Variants in LYST observed in about 807,000 individuals in gnomAD.
LYST encodes lysosomal trafficking regulator, also known as lysosomal-trafficking regulator.
A neutral mutation model predicts 413.6 loss-of-function variants in LYST; 192 were observed. That is an observed-to-expected ratio of 0.46 (90% confidence interval 0.41 to 0.52). The LOEUF (loss-of-function observed/expected upper bound fraction) is 0.52, where lower values mean the gene tolerates loss of function less well. Among genes scored for constraint, LYST ranks in the 20% least tolerant of loss-of-function variants. The pLI, the probability that LYST is intolerant of heterozygous loss-of-function variation, is 0.00. For synonymous variants in LYST, 1,525 were observed against 1,567.3 expected (o/e 0.97, Z 0.64); for missense variants, 3,815 against 4,499.9 (o/e 0.85, Z 4.35).
At chr1:235,869,281 G>T (rs1366076408), upstream of LYST, among the ~76,000 whole-genome samples, 5 of 152,104 alleles carry the variant, frequency 3.3e-5, no homozygotes, top group East Asian at 1.9e-4. Context: ...GACCATCCTG[G>T]CTAACACGGT....
chr1:235,703,952 CTT>C (rs1365124039), intron 44 of LYST, among the ~76,000 whole-genome samples: 1 of 152,064 alleles, frequency 6.6e-6, no homozygotes, highest in East Asian at 1.9e-4. Context: ...TTGTTCCCCT[CTT>C]TGTGTCCATG....
At chr1:235,677,396 A>G in intron 49 of LYST, 84 bp downstream of exon 49, 1 of 1,385,650 alleles carries the variant, frequency 7.2e-7, no homozygotes, top group African/African-American at 1.4e-5. Context: ...TAACGTAAAG[A>G]CATTATTTTG....
chr1:235,705,685 C>T (rs1661924270), intron 44 of LYST, among the ~76,000 whole-genome samples: 1 of 151,874 alleles, frequency 6.6e-6, no homozygotes, highest in African/African-American at 2.4e-5. Flanking sequence ...TGTGCCTGGC[C>T]CAGTGATACT....
At chr1:235,683,697 T>C (rs1379935623) in intron 48 of LYST, among the ~76,000 whole-genome samples, 5 of 152,194 alleles carry the variant, frequency 3.3e-5, no homozygotes, top group African/African-American at 1.2e-4. Flanking sequence ...GGCCCATCTT[T>C]TGTCTGTGTT....
chr1:235,663,929 G>T, intron 52 of LYST, 55 bp downstream of exon 52: 1 of 1,423,786 alleles, frequency 7.0e-7, no homozygotes, highest in South Asian at 1.1e-5. Flanking sequence ...ACCTCTCTAC[G>T]AAAAATACAA....
chr1:235,670,004 G>A (rs1658802097), intron 50 of LYST, among the ~76,000 whole-genome samples: 1 of 152,112 alleles, frequency 6.6e-6, no homozygotes, highest in Admixed American at 6.5e-5. Flanking sequence ...ACACAACTAT[G>A]TCAGAAATAA....
intron 1 of LYST, 139 bp downstream of exon 1, chr1:235,866,704 C>CCCGGCGGTCCCG (rs1680573151): frequency 6.7e-6 from 1 of 149,810 alleles, no homozygotes; most frequent in African/African-American, 2.6e-5. Flanking sequence ...CGCGCCCTCG[C>CCCGGCGGTCCCG]GCCCTCAGCC....
chr1:235,744,133 AT>A lies in LYST; in HGVS notation c.7996del (p.Ile2666PhefsTer2). On this transcript the variant is annotated frameshift_variant, in exon 30 of 53. Transcript: ENST00000389793. LOFTEE classifies it high-confidence loss of function. ...AGTTACATTTTCTGGAGTTCTCAAAATGTCAATAATGTCTGAATTAAATTCT... is the reference window on the plus strand; with the variant it reads ...AGTTACATTTTCTGGAGTTCTCAAAAGTCAATAATGTCTGAATTAAATTCT... ...YQEFNSDIID[I>X]LRTPENVTQS... The A allele has an allele frequency of 6.3e-7, 1 of 1,587,324 alleles. No individual in the cohort carries two copies. The highest frequency in any genetic ancestry group is 8.7e-7 in the Non-Finnish European group (1 of 1,156,012).
At chr1:235,805,091 G>A (rs1156886193) in intron 6 of LYST, among the ~76,000 whole-genome samples, 1 of 152,214 alleles carries the variant, frequency 6.6e-6, no homozygotes, top group Non-Finnish European at 1.5e-5. Flanking sequence ...TGAACAGTTA[G>A]GTGTAAGTTA....
intron 50 of LYST, among the ~76,000 whole-genome samples, chr1:235,672,806 A>G (rs893722605): frequency 6.6e-6 from 1 of 152,218 alleles, no homozygotes; most frequent in Non-Finnish European, 1.5e-5. Flanking sequence ...ATCCCCGTAT[A>G]AAATGCTTTA....
chr1:235,742,234 C>G (rs1257462134), intron 30 of LYST, among the ~76,000 whole-genome samples: 1 of 152,058 alleles, frequency 6.6e-6, no homozygotes, highest in African/African-American at 2.4e-5. Context: ...GCAGGTGGAT[C>G]ACCTGAGGTC....
At chr1:235,763,565 C>T (rs2103377821) in intron 21 of LYST, among the ~76,000 whole-genome samples, 1 of 152,256 alleles carries the variant, frequency 6.6e-6, no homozygotes, top group African/African-American at 2.4e-5. Context: ...ATTCTCATGC[C>T]TCAGCCTCCC....
At chr1:235,805,622 C>A (rs1672743672) in intron 6 of LYST, 121 bp downstream of exon 6, 2 of 334,314 alleles carry the variant, frequency 6.0e-6, no homozygotes, top group Admixed American at 1.0e-4. Flanking sequence ...TTATATATAA[C>A]ACAATAATAT....
intron 14 of LYST, among the ~76,000 whole-genome samples, chr1:235,785,414 C>T (rs2103495182): frequency 6.6e-6 from 1 of 152,180 alleles, no homozygotes; most frequent in Admixed American, 6.5e-5. Context: ...GTCCCCTAGG[C>T]CTAATTAATA....
chr1:235,765,819 C>T (rs868550992), intron 21 of LYST, among the ~76,000 whole-genome samples: 3 of 151,936 alleles, frequency 2.0e-5, no homozygotes, highest in African/African-American at 7.3e-5. Context: ...TTTTGTGTCT[C>T]TTTGATACTT....
intron 1 of LYST, among the ~76,000 whole-genome samples, chr1:235,845,563 C>A (rs371962116): frequency 6.6e-6 from 1 of 152,184 alleles, no homozygotes; most frequent in African/African-American, 2.4e-5. Flanking sequence ...CCTTTTCTTT[C>A]GTAGCTGAGA....
rs1437922951 is a variant in LYST, at chr1:235,777,168, T to C, written c.5355A>G (p.Leu1785=). Residue 1785 remains leucine, a synonymous_variant, in exon 17 of 53, where the codon TTA becomes TTG. Transcript: ENST00000389793. ...GGAGATTCTTTAGATGATGAGGTTCTAATAAGATGCTCTGAACTTCTTTTG... is the reference window on the plus strand; with the variant it reads ...GGAGATTCTTTAGATGATGAGGTTCCAATAAGATGCTCTGAACTTCTTTTG... ...FSSKEVQSIL[L]EPHHLKNLQP... is the part of the protein sequence containing the mutation. 2.5e-6 allele frequency: 4 copies of C among 1,613,756 alleles called. No individual in the cohort carries two copies. Among genetic ancestry groups the C allele is most frequent in the Non-Finnish European group, 3.4e-6 (4 of 1,179,764 alleles).
chr1:235,755,615 C>T lies in LYST; in HGVS notation c.7092G>A (p.Lys2364=), dbSNP rs1257159921. The part of the protein sequence containing the change: ...LLDAYFARAS[K]EQKDKFLKNR... ...TCTTCAGAAATTTATCTTTTTGTTC[C>T]TTAGATGCTCTAGCAAAATATGCAT... Residue 2364 remains lysine, a synonymous_variant, in exon 25 of 53, where the codon AAG becomes AAA. Coordinates refer to ENST00000389793, the MANE Select transcript of LYST (RefSeq NM_000081.4). 1.9e-6 allele frequency: 3 copies of T among 1,612,736 alleles called. No homozygotes were observed. The highest frequency in any genetic ancestry group is 2.5e-6 in the Non-Finnish European group (3 of 1,179,134).
chr1:235,708,480 C>T (rs1468408345), intron 44 of LYST, among the ~76,000 whole-genome samples: 1 of 152,148 alleles, frequency 6.6e-6, no homozygotes, highest in Non-Finnish European at 1.5e-5. Context: ...AGGAGAGGTC[C>T]TACCATTCCC....
Sources: allele counts gnomAD v4.1 joint callset (sites outside exome capture counted in the v4.1 genomes callset), GRCh38; gene constraint gnomAD v4.1.1; transcripts MANE v1.5; gene names NCBI Gene and HGNC (gene_info 2026-07-23, HGNC 2026-07-21).